SYTL3: variants seen among roughly 807,000 people sequenced by gnomAD.
SYTL3 encodes the protein synaptotagmin like 3.
In SYTL3, 88 loss-of-function variants were observed where a neutral mutation model predicts 82.1. The observed-to-expected ratio is 1.07, with a 90% CI of 0.90 to 1.28. SYTL3 has a LOEUF of 1.28. Ranked by LOEUF, SYTL3 falls within the 50% of genes most tolerant of loss-of-function variation. The probability of loss-of-function intolerance (pLI) is 0.00; values close to 1 mark genes in which losing one functional copy is unlikely to be tolerated. For missense variants in SYTL3, 831 were observed against 757.6 expected (o/e 1.10, Z -1.14); for synonymous variants, 311 against 289.4 (o/e 1.07, Z -0.76).
At chr6:158,713,981 C>T (rs897951594) in intron 9 of SYTL3, 103 bp downstream of exon 9, 2 of 810,224 alleles carry the variant, frequency 2.5e-6, no homozygotes, top group Non-Finnish European at 4.2e-6. Flanking sequence ...GTCCCTCAGG[C>T]CACTCACTTT....
At chr6:158,710,136 C>T (rs1394285428) in intron 8 of SYTL3, among the ~76,000 whole-genome samples, 1 of 152,176 alleles carries the variant, frequency 6.6e-6, no homozygotes, top group African/African-American at 2.4e-5. Flanking sequence ...AGCATAAACA[C>T]TCAGATATAC....
chr6:158,666,383 AC>A (rs1430699237), intron 5 of SYTL3, among the ~76,000 whole-genome samples: 1 of 152,156 alleles, frequency 6.6e-6, no homozygotes, highest in Non-Finnish European at 1.5e-5. Context: ...GGGTTTTAAT[AC>A]CAGTTTTAAC....
In SYTL3 at chr6:158,745,620, C is replaced by A. The variant is rs536590063; in HGVS notation, c.996C>A (p.Asn332Lys). The A allele has an allele frequency of 1.2e-6, 2 of 1,610,386 alleles. No homozygotes were observed. Among genetic ancestry groups the A allele is most frequent in the African/African-American group, 2.7e-5 (2 of 74,568 alleles). Residue 332 changes from asparagine to lysine, a missense_variant, in exon 12 of 18, where the codon AAC becomes AAA. Coordinates refer to ENST00000611299, the MANE Select transcript of SYTL3 (RefSeq NM_001242394.2). ...AAATATGCATCAAGGCCTGTAAGAACCTTGCCTATGGAGAAGAAAAGAAGA... is the reference window on the plus strand; with the variant it reads ...AAATATGCATCAAGGCCTGTAAGAAACTTGCCTATGGAGAAGAAAAGAAGA... The part of the protein sequence containing the change: ...SLEICIKACK[N>K]LAYGEEKKKK...
At chr6:158,753,499 G>A (rs1788661575) in intron 13 of SYTL3, among the ~76,000 whole-genome samples, 1 of 152,036 alleles carries the variant, frequency 6.6e-6, no homozygotes, top group Non-Finnish European at 1.5e-5. Flanking sequence ...GGGAGGCTGA[G>A]GCGGGTGGAT....
intron 2 of SYTL3, among the ~76,000 whole-genome samples, chr6:158,658,788 G>T (rs1249448510): frequency 3.9e-5 from 6 of 151,976 alleles, no homozygotes; most frequent in Non-Finnish European, 7.4e-5. Flanking sequence ...AATTAGCCAG[G>T]CATGGAGGCA....
At chr6:158,726,051 A>G in intron 11 of SYTL3, 1 of 554,938 alleles carries the variant, frequency 1.8e-6, no homozygotes, top group East Asian at 4.1e-5. Context: ...ATGTGTTAAA[A>G]TCTTACAGGA....
intron 12 of SYTL3, among the ~76,000 whole-genome samples, chr6:158,751,027 C>A (rs1055404578): frequency 6.6e-6 from 1 of 152,158 alleles, no homozygotes; most frequent in Non-Finnish European, 1.5e-5. Context: ...AACTCCTGAC[C>A]TCAGGTGATC....
chr6:158,684,618 G>A (rs1779093182), intron 6 of SYTL3, among the ~76,000 whole-genome samples: 1 of 152,154 alleles, frequency 6.6e-6, no homozygotes, highest in African/African-American at 2.4e-5. Flanking sequence ...GAGGGCAGCG[G>A]TGGCTCTTTT....
intron 6 of SYTL3, among the ~76,000 whole-genome samples, chr6:158,703,454 G>A (rs1252475113): frequency 6.6e-6 from 1 of 152,180 alleles, no homozygotes; most frequent in African/African-American, 2.4e-5. Context: ...ACAGCTCCTT[G>A]CGCGAATACT....
intron 6 of SYTL3, among the ~76,000 whole-genome samples, chr6:158,694,157 C>G (rs575463797): frequency 6.6e-6 from 1 of 152,146 alleles, no homozygotes; most frequent in Non-Finnish European, 1.5e-5. Context: ...TTAGACAGGT[C>G]CATTTAAACT....
At chr6:158,655,094 C>T (rs1173839866) in intron 2 of SYTL3, among the ~76,000 whole-genome samples, 1 of 152,060 alleles carries the variant, frequency 6.6e-6, no homozygotes, top group Admixed American at 6.6e-5. Flanking sequence ...TAAATGTCAT[C>T]CTGGGAAAAT....
chr6:158,702,596 G>A (rs1175115312), intron 6 of SYTL3, among the ~76,000 whole-genome samples: 1 of 151,982 alleles, frequency 6.6e-6, no homozygotes, highest in Non-Finnish European at 1.5e-5. Flanking sequence ...ATGGTTGTTG[G>A]TTTCCAGGTG....
At chr6:158,707,067 A>G (rs1782179385) in intron 6 of SYTL3, among the ~76,000 whole-genome samples, 163 bp from the exon 7 acceptor site, 2 of 152,248 alleles carry the variant, frequency 1.3e-5, no homozygotes, top group Non-Finnish European at 2.9e-5. Context: ...AACCATCTCT[A>G]CACTCTAATT....
intron 11 of SYTL3, among the ~76,000 whole-genome samples, chr6:158,741,611 G>C (rs1562449078): frequency 2.0e-5 from 3 of 152,186 alleles, no homozygotes; most frequent in Non-Finnish European, 4.4e-5. Context: ...GTTTGGCTTT[G>C]GGAAGTGCTT....
Position 158,665,582 on chromosome 6 carries a change from GC to G in SYTL3, c.300del (p.Trp101GlyfsTer14). The part of the protein sequence containing the change: ...QCRVFLRGTH[A>X]WKCTVCFEDR... ...CCGAGTGTTCCTGAGGGGGACCCAT[GC>G]CTGGAAGTGCACGGTGTGCTTCGAG... On this transcript the variant is annotated frameshift_variant, in exon 5 of 18. Coordinates refer to ENST00000611299, the MANE Select transcript of SYTL3 (RefSeq NM_001242394.2). LOFTEE classifies it high-confidence loss of function. 3 of 1,574,650 alleles carry G rather than the reference GC, an allele frequency of 1.9e-6. No homozygotes were observed. Among genetic ancestry groups the G allele is most frequent in the Non-Finnish European group, 2.6e-6 (3 of 1,160,182 alleles).
At chr6:158,764,167 C>A (rs1790415855) in intron 17 of SYTL3, among the ~76,000 whole-genome samples, 1 of 152,230 alleles carries the variant, frequency 6.6e-6, no homozygotes, top group South Asian at 2.1e-4. Context: ...TCTGAGACGG[C>A]CCCACCCAGC....
intron 5 of SYTL3, among the ~76,000 whole-genome samples, chr6:158,682,633 A>G (rs1407719022): frequency 6.6e-6 from 1 of 152,306 alleles, no homozygotes; most frequent in Admixed American, 6.5e-5. Flanking sequence ...TGCTGGGATT[A>G]CAGGCATGAG....
At chr6:158,653,804 C>T (rs1788341085) in intron 2 of SYTL3, among the ~76,000 whole-genome samples, 1 of 152,176 alleles carries the variant, frequency 6.6e-6, no homozygotes, top group Non-Finnish European at 1.5e-5. Flanking sequence ...CTCATGCTAC[C>T]GCAGATCTCT....
Position 158,663,014 on chromosome 6 carries a change from C to G in SYTL3, c.-255C>G, listed in dbSNP as rs921657000. ...GCTGCAGAACCCGGTGAAAACACCC[C>G]CCGGGTAGCACGAGGCTCTGCGAGC... On this transcript the variant is annotated 5_prime_UTR_variant, in exon 4 of 18. Transcript: ENST00000611299. 6.8e-5 allele frequency: 25 copies of G among 367,270 alleles called. No individual in the cohort carries two copies. Among genetic ancestry groups the G allele is most frequent in the African/African-American group, 1.3e-4 (6 of 47,890 alleles). 22.8% of individuals were successfully genotyped at this position (367,270 alleles called of 1,614,324 possible).
Sources: allele counts gnomAD v4.1 joint callset (sites outside exome capture counted in the v4.1 genomes callset), GRCh38; gene constraint gnomAD v4.1.1; transcripts MANE v1.5; gene names NCBI Gene and HGNC (gene_info 2026-07-23, HGNC 2026-07-21).